Variants in SRPK2 observed in about 807,000 individuals in gnomAD.
SRPK2 encodes the protein SFRS protein kinase 2.
SRPK2 carries 21 observed loss-of-function variants against 90.8 expected under a neutral mutation model. The ratio of observed to expected loss-of-function variants is 0.23; its 90% CI spans 0.16 to 0.33. The LOEUF is 0.33. Ranked by LOEUF, SRPK2 falls within the 10% of genes least tolerant of loss-of-function variation. The pLI, the probability that SRPK2 is intolerant of heterozygous loss-of-function variation, is 1.00. For synonymous variants in SRPK2, 288 were observed against 311.1 expected, an observed-to-expected ratio of 0.93 and a Z score of 0.78; for missense variants, 620 against 869.0, an observed-to-expected ratio of 0.71 and a Z score of 3.60.
At chr7:105,245,274 A>G (rs1487981604) in intron 2 of SRPK2, among the ~76,000 whole-genome samples, 1 of 152,228 alleles carries the variant, frequency 6.6e-6, no homozygotes, top group Non-Finnish European at 1.5e-5. Context: ...TCTAGGAGGC[A>G]GCAGGACCCT....
chr7:105,381,159 G>A (rs1820904418), intron 2 of SRPK2, among the ~76,000 whole-genome samples: 4 of 151,716 alleles, frequency 2.6e-5, no homozygotes, highest in South Asian at 2.1e-4. Flanking sequence ...CATGAGGAGC[G>A]CCTGAACCCA....
chr7:105,144,810 A>C (rs1804320242), intron 9 of SRPK2, among the ~76,000 whole-genome samples: 1 of 152,216 alleles, frequency 6.6e-6, no homozygotes, highest in Admixed American at 6.5e-5. Context: ...CAGATCATTA[A>C]AACTTAACAA....
At chr7:105,125,678 G>C (rs1801090514) in intron 15 of SRPK2, 1 of 404,548 alleles carries the variant, frequency 2.5e-6, no homozygotes, top group African/African-American at 2.1e-5. Flanking sequence ...GAATTCCCCA[G>C]TTGTGAAACT....
rs368842192 is a variant in SRPK2, at chr7:105,143,116, T to G, written c.1028A>C (p.Glu343Ala). Residue 343 changes from glutamate to alanine, a missense_variant, in exon 10 of 16, where the codon GAG becomes GCG. By Grantham distance (107) the Glu-to-Ala change is moderately radical. Coordinates refer to ENST00000393651, the MANE Select transcript of SRPK2 (RefSeq NM_182692.3). The stretch of plus-strand genomic sequence containing the variant: ...CTTTGCAGTCTCTGCCTCAGCCGCC[T>G]CCTCTAATCCTGTTGTTTTTAGTTT... ...EVKLKTTGLE[E>A]AAEAETAKDN... 8.7e-6 allele frequency: 14 copies of G among 1,613,984 alleles called. No homozygotes were observed. Among genetic ancestry groups the G allele is most frequent in the Non-Finnish European group, 1.2e-5 (14 of 1,179,994 alleles).
chr7:105,393,028 C>T (rs1335714007), upstream of SRPK2, among the ~76,000 whole-genome samples: 1 of 150,954 alleles, frequency 6.6e-6, no homozygotes, highest in Non-Finnish European at 1.5e-5. Flanking sequence ...AAGTCTCGCT[C>T]TGTCGCCCAG....
intron 2 of SRPK2, among the ~76,000 whole-genome samples, chr7:105,307,888 G>A (rs985589925): frequency 6.6e-6 from 1 of 152,100 alleles, no homozygotes; most frequent in Non-Finnish European, 1.5e-5. Flanking sequence ...TACATTACTT[G>A]GACTCAAAAG....
At chr7:105,262,911 GTATAGAGTGGTACAT>G (rs1169828887) in intron 2 of SRPK2, among the ~76,000 whole-genome samples, 1 of 152,216 alleles carries the variant, frequency 6.6e-6, no homozygotes, top group Admixed American at 6.5e-5. Context: ...GTTGGTGGAA[GTATAGAGTGGTACAT>G]TCACTTTGGA....
chr7:105,183,593 T>TA (rs1585090939), intron 3 of SRPK2, among the ~76,000 whole-genome samples: 2 of 152,170 alleles, frequency 1.3e-5, no homozygotes, highest in African/African-American at 4.8e-5. Context: ...TTCAAGCCAT[T>TA]ATCCTGCCTC....
At chr7:105,357,962 C>T (rs552884423) in intron 2 of SRPK2, among the ~76,000 whole-genome samples, 18 of 152,150 alleles carry the variant, frequency 1.2e-4, no homozygotes, top group African/African-American at 3.4e-4. Flanking sequence ...CAGTGGCTCA[C>T]GCCTATAATC....
rs373176659 is a variant in SRPK2 at position 105,168,113 on chromosome 7, A to C, written c.339-18T>G. 1.3e-6 allele frequency: 2 copies of C among 1,575,436 alleles called. No homozygotes were observed. ...TTTTCCCCCTAAAAGAAAAAACAAA[A>C]AAAGAGTCTATTTATCTATATTATC... On this transcript the variant is annotated intron_variant, in intron 4 of 15. Transcript: ENST00000393651.
At chr7:105,240,471 C>G (rs925086023) in intron 2 of SRPK2, among the ~76,000 whole-genome samples, 2 of 151,906 alleles carry the variant, frequency 1.3e-5, no homozygotes, top group Non-Finnish European at 2.9e-5. Context: ...TACATTAAAA[C>G]AATTCTTTAA....
At chr7:105,216,584 G>A (rs1210229601) in intron 2 of SRPK2, among the ~76,000 whole-genome samples, 2 of 151,380 alleles carry the variant, frequency 1.3e-5, no homozygotes, top group Non-Finnish European at 2.9e-5. Context: ...AACTCGGGAG[G>A]CAGAGGTTGG....
intron 3 of SRPK2, 29 bp from the exon 4 acceptor site, chr7:105,169,294 T>C: frequency 6.5e-7 from 1 of 1,549,986 alleles, no homozygotes; most frequent in Non-Finnish European, 8.9e-7. Context: ...AAGAAAAAAA[T>C]TCAAAATATT....
At chr7:105,274,822 G>GT (rs1806273200) in intron 2 of SRPK2, among the ~76,000 whole-genome samples, 1 of 151,752 alleles carries the variant, frequency 6.6e-6, no homozygotes, top group Non-Finnish European at 1.5e-5. Context: ...TTGAGACTGA[G>GT]CTCCCATCTC....
At position 105,229,463 on chromosome 7, in the gene SRPK2, C is replaced by CA. The variant is rs35192630; in HGVS notation, c.72-25679dup. 4.5e-3 allele frequency among the ~76,000 whole-genome samples: 639 copies of CA among 142,404 alleles called. 5 individuals are homozygous for CA. Among genetic ancestry groups the CA allele is most frequent in the African/African-American group, 0.011 (445 of 38,968 alleles). The allele number at this position is 142,404 out of a possible 152,430, so 93.4% of individuals were successfully genotyped here. A position where few individuals can be genotyped will look rare whatever the true frequency, so the allele number is the denominator to read the frequency against. On this transcript the variant is annotated intron_variant, in intron 2 of 15. Transcript: ENST00000393651. ...TGGGCGACAGAGCAAGACTCCGTCT[C>CA]AAAAAAAAAAAGGCCATCCTTTTTG...
In SRPK2 at chr7:105,117,372, A is replaced by G. The variant is rs552105584; in HGVS notation, c.*466T>C. The G allele has an allele frequency of 1.1e-5, 2 of 181,028 alleles. No individual in the cohort carries two copies. Among genetic ancestry groups the G allele is most frequent in the Non-Finnish European group, 2.3e-5 (2 of 87,508 alleles). The allele number at this position is 181,028 out of a possible 1,614,324, so 11.2% of individuals were successfully genotyped here. On this transcript the variant is annotated 3_prime_UTR_variant, in exon 16 of 16. Coordinates refer to ENST00000393651, the MANE Select transcript of SRPK2 (RefSeq NM_182692.3). ...TACAGGGTGCATTTACATACACTAT[A>G]ATACAGGAATGATGTCCCTTTGCCA...
At chr7:105,351,248 C>A (rs1817140177) in intron 2 of SRPK2, among the ~76,000 whole-genome samples, 1 of 152,076 alleles carries the variant, frequency 6.6e-6, no homozygotes, top group South Asian at 2.1e-4. Context: ...TCTGCAGAGT[C>A]CCCACCAGCA....
At chr7:105,131,905 GTA>G (rs1802059793) in intron 13 of SRPK2, among the ~76,000 whole-genome samples, 1 of 152,138 alleles carries the variant, frequency 6.6e-6, no homozygotes, top group Non-Finnish European at 1.5e-5. Context: ...GAACGCCTAA[GTA>G]AATACCACTG....
At chr7:105,171,634 A>C (rs1469026110) in intron 3 of SRPK2, among the ~76,000 whole-genome samples, 1 of 152,180 alleles carries the variant, frequency 6.6e-6, no homozygotes, top group Non-Finnish European at 1.5e-5. Context: ...CTGAACATTT[A>C]AATTGTGTTG....
Sources: gnomAD v4.1 joint callset for allele counts (sites outside exome capture counted in the v4.1 genomes callset) on GRCh38, gnomAD v4.1.1 for gene constraint, MANE v1.5 for transcripts, NCBI Gene and HGNC (gene_info 2026-07-23, HGNC 2026-07-21) for gene names.